Variants in CDYL observed in about 807,000 individuals in gnomAD.
CDYL encodes the protein chromodomain Y like.
In CDYL, 8 loss-of-function variants were observed where a neutral mutation model predicts 47.3. The ratio of observed to expected loss-of-function variants is 0.17; its 90% confidence interval spans 0.10 to 0.31. CDYL has a LOEUF of 0.31. Ranked by LOEUF, CDYL falls within the 10% of genes least tolerant of loss-of-function variation. The pLI is 1.00. For missense variants in CDYL, 471 were observed against 701.4 expected, an observed-to-expected ratio of 0.67 and a Z score of 3.71; for synonymous variants, 266 against 265.0, an observed-to-expected ratio of 1.00 and a Z score of -0.04.
At chr6:4,915,840 A>G (rs1258260117) in intron 2 of CDYL, among the ~76,000 whole-genome samples, 7 of 152,254 alleles carry the variant, frequency 4.6e-5, no homozygotes, top group Admixed American at 3.9e-4. Flanking sequence ...CACCCTATAT[A>G]TGAAGCCTGC....
At chr6:4,815,433 C>T (rs896909737) in intron 1 of CDYL, among the ~76,000 whole-genome samples, 1 of 152,068 alleles carries the variant, frequency 6.6e-6, no homozygotes, top group Non-Finnish European at 1.5e-5. Flanking sequence ...TGTCATTTAG[C>T]CATTTCTCTG....
chr6:4,717,731 A>AAAG (rs1757293479), intron 2 of CDYL, among the ~76,000 whole-genome samples: 1 of 149,268 alleles, frequency 6.7e-6, no homozygotes, highest in African/African-American at 2.5e-5. Flanking sequence ...AAAAAAAAAA[A>AAAG]AAAAAAAAAT....
chr6:4,949,395 A>G (rs1232194630), intron 5 of CDYL, among the ~76,000 whole-genome samples: 2 of 152,248 alleles, frequency 1.3e-5, no homozygotes, highest in South Asian at 2.1e-4. Flanking sequence ...AGCAGTCCCC[A>G]TAAGGCTGAA....
At chr6:4,919,374 A>G (rs1214048493) in intron 2 of CDYL, among the ~76,000 whole-genome samples, 1 of 152,166 alleles carries the variant, frequency 6.6e-6, no homozygotes, top group Non-Finnish European at 1.5e-5. Context: ...AAAATTGGCT[A>G]GAGATTCTTG....
intron 2 of CDYL, among the ~76,000 whole-genome samples, chr6:4,922,644 C>G (rs1757750655): frequency 6.6e-6 from 1 of 152,232 alleles, no homozygotes; most frequent in South Asian, 2.1e-4. Context: ...CGCCTGCTTC[C>G]CCTTTTATCA....
chr6:4,772,031 A>G (rs996996753), upstream of CDYL, among the ~76,000 whole-genome samples: 10 of 152,246 alleles, frequency 6.6e-5, no homozygotes, highest in Admixed American at 1.3e-4. Flanking sequence ...TTCAACAAGT[A>G]CATATTACAA....
intron 2 of CDYL, among the ~76,000 whole-genome samples, chr6:4,904,678 G>T (rs953599833): frequency 1.3e-5 from 2 of 152,074 alleles, no homozygotes; most frequent in African/African-American, 4.8e-5. Flanking sequence ...TATACTTTCA[G>T]CCCAGTTACC....
intron 2 of CDYL, among the ~76,000 whole-genome samples, chr6:4,895,267 ATG>A (rs1554105692): frequency 8.4e-4 from 9 of 10,726 alleles, no homozygotes; most frequent in African/African-American, 3.8e-3. Context: ...GCATGTATAC[ATG>A]TATGTATATA....
At chr6:4,770,256 T>G (rs1314949597) in intron 3 of CDYL, among the ~76,000 whole-genome samples, 1 of 152,062 alleles carries the variant, frequency 6.6e-6, no homozygotes, top group Non-Finnish European at 1.5e-5. Context: ...CAATAAATGG[T>G]CAATAAGTAT....
chr6:4,736,838 T>C (rs1757712592), intron 3 of CDYL, among the ~76,000 whole-genome samples: 1 of 152,206 alleles, frequency 6.6e-6, no homozygotes, highest in South Asian at 2.1e-4. Context: ...CATCTGCTAA[T>C]TCACTTAATT....
intron 1 of CDYL, among the ~76,000 whole-genome samples, chr6:4,818,153 G>C (rs890143016): frequency 6.6e-6 from 1 of 152,136 alleles, no homozygotes; most frequent in Non-Finnish European, 1.5e-5. Context: ...CTACTTGGGA[G>C]GCTGAGATGG....
At chr6:4,758,042 T>C (rs530936432) in intron 3 of CDYL, among the ~76,000 whole-genome samples, 1 of 151,892 alleles carries the variant, frequency 6.6e-6, no homozygotes, top group African/African-American at 2.4e-5. Flanking sequence ...TTAACTTTTA[T>C]TAAAAATATC....
chr6:4,775,886 G>A (rs1037587453), upstream of CDYL, among the ~76,000 whole-genome samples: 10 of 150,564 alleles, frequency 6.6e-5, no homozygotes, highest in African/African-American at 2.2e-4. The surrounding 1 kb of genome is among the most constrained non-coding windows in gnomAD (Gnocchi z 7.0). Flanking sequence ...CTCCTGGAGG[G>A]AGGCGCGCGG....
chr6:4,948,841 G>GC (rs2127528145), intron 5 of CDYL, among the ~76,000 whole-genome samples: 1 of 152,370 alleles, frequency 6.6e-6, no homozygotes, highest in Non-Finnish European at 1.5e-5. Context: ...TACAGAAAGT[G>GC]AATAAACGTT....
chr6:4,914,049 A>AT (rs1459196320), intron 2 of CDYL, among the ~76,000 whole-genome samples: 1 of 151,908 alleles, frequency 6.6e-6, no homozygotes, highest in East Asian at 1.9e-4. Flanking sequence ...ACTATTGTTG[A>AT]TTTTTACTTG....
At chr6:4,754,601 A>C (rs1325203139) in intron 3 of CDYL, among the ~76,000 whole-genome samples, 3 of 152,226 alleles carry the variant, frequency 2.0e-5, no homozygotes, top group African/African-American at 4.8e-5. Context: ...GGAATATCTG[A>C]ATATTAAAGA....
chr6:4,920,493 C>T (rs927047015), intron 2 of CDYL, among the ~76,000 whole-genome samples: 4 of 152,162 alleles, frequency 2.6e-5, no homozygotes, highest in South Asian at 2.1e-4. Context: ...AAGCCTCCGG[C>T]GGGTCATGCA....
intron 1 of CDYL, among the ~76,000 whole-genome samples, chr6:4,879,552 GTTTTTTT>G (rs59685693): frequency 1.9e-5 from 2 of 106,158 alleles, no homozygotes; most frequent in Non-Finnish European, 3.6e-5. Context: ...TTTTTGTGGG[GTTTTTTT>G]TTTTTTTTTT....
chr6:4,719,912 C>G (rs999720622), intron 2 of CDYL, among the ~76,000 whole-genome samples: 1 of 152,194 alleles, frequency 6.6e-6, no homozygotes, highest in Non-Finnish European at 1.5e-5. Context: ...AGCTTTGGAC[C>G]AAATTATCCC....
Sources: gnomAD v4.1 joint callset for allele counts (sites outside exome capture counted in the v4.1 genomes callset) on GRCh38, gnomAD v4.1.1 for gene constraint, Gnocchi (gnomAD v3.1) non-coding constraint, MANE v1.5 for transcripts, NCBI Gene and HGNC (gene_info 2026-07-23, HGNC 2026-07-21) for gene names.